OXNAD1: variants seen among roughly 807,000 people sequenced by gnomAD.
OXNAD1 encodes oxidoreductase NAD-binding domain-containing protein 1.
OXNAD1 carries 34 observed loss-of-function variants against 32.9 expected under a neutral mutation model. The observed-to-expected ratio is 1.03, with a 90% confidence interval of 0.79 to 1.38. The LOEUF (loss-of-function observed/expected upper bound fraction) is 1.38, where lower values mean the gene tolerates loss of function less well. Ranked by LOEUF, OXNAD1 falls within the 40% of genes most tolerant of loss-of-function variation. OXNAD1 has a pLI of 0.00. For synonymous variants in OXNAD1, 134 were observed against 135.2 expected (o/e 0.99, Z 0.06); for missense variants, 407 against 379.4 (o/e 1.07, Z -0.60).
At chr3:16,275,795 T>G (rs1351247537) in intron 4 of OXNAD1, 2 of 162,224 alleles carry the variant, frequency 1.2e-5, no homozygotes, top group East Asian at 3.6e-4. Context: ...GCTGACCTGA[T>G]TTTCATGGAA....
At chr3:16,281,404 T>C (rs1396050839) in intron 4 of OXNAD1, among the ~76,000 whole-genome samples, 2 of 152,212 alleles carry the variant, frequency 1.3e-5, no homozygotes, top group Non-Finnish European at 2.9e-5. Context: ...ATCCAAAACG[T>C]TTTGAGTACT....
chr3:16,307,301 ACACT>A (rs989244426), downstream of OXNAD1, among the ~76,000 whole-genome samples: 57 of 152,320 alleles, frequency 3.7e-4, no homozygotes, highest in African/African-American at 1.3e-3. Context: ...TCAGTGGTTC[ACACT>A]CAATCATGAT....
intron 5 of OXNAD1, among the ~76,000 whole-genome samples, chr3:16,291,229 C>G (rs531597224): frequency 6.6e-6 from 1 of 152,144 alleles, no homozygotes; most frequent in African/African-American, 2.4e-5. Context: ...CTTTTCTTGA[C>G]CCTTTTTTCA....
Position 16,334,773 on chromosome 3 carries a change from G to T in OXNAD1, c.*31-2339G>T, listed in dbSNP as rs969883651. ...AGGAGCCTGTGAAAATGTTCCCTTCGCATGGTAAAGGGATGTGGCAGATAT... is the reference window on the plus strand; with the variant it reads ...AGGAGCCTGTGAAAATGTTCCCTTCTCATGGTAAAGGGATGTGGCAGATAT... On this transcript the variant is annotated intron_variant, in intron 9 of 9. Coordinates refer to the OXNAD1 transcript ENST00000435829. This position sits in a 1 kb window ranked among gnomAD's most constrained non-coding sequence, Gnocchi z 4.3. Among the ~76,000 whole-genome samples, 27 of 152,296 alleles carry T rather than the reference G, an allele frequency of 1.8e-4. No homozygotes were observed. The highest frequency in any genetic ancestry group is 3.4e-3 in the Middle Eastern group (1 of 294).
At chr3:16,286,697 A>G (rs1012603170) in intron 5 of OXNAD1, among the ~76,000 whole-genome samples, 1 of 152,180 alleles carries the variant, frequency 6.6e-6, no homozygotes, top group African/African-American at 2.4e-5. Context: ...TGTTTTCCAC[A>G]TTCAAACAAA....
chr3:16,319,472 A>C (rs1295241550), intron 9 of OXNAD1, among the ~76,000 whole-genome samples: 1 of 152,208 alleles, frequency 6.6e-6, no homozygotes, highest in African/African-American at 2.4e-5. Flanking sequence ...GCTGCGGTGC[A>C]CACCTCCAGG....
chr3:16,308,128 AT>A (rs1423710478), downstream of OXNAD1, among the ~76,000 whole-genome samples: 1 of 152,146 alleles, frequency 6.6e-6, no homozygotes, highest in East Asian at 1.9e-4. The surrounding 1 kb of genome is among the most constrained non-coding windows in gnomAD (Gnocchi z 4.4). Context: ...TTGGGAAACT[AT>A]TTTTTTGTAA....
At chr3:16,309,143 CTTTT>C (rs1054076959), downstream of OXNAD1, among the ~76,000 whole-genome samples, 24 of 152,192 alleles carry the variant, frequency 1.6e-4, no homozygotes, top group African/African-American at 5.5e-4. Flanking sequence ...GTCTCTCTTT[CTTTT>C]AATACACTTC....
At chr3:16,331,889 A>ATTAGTTAACTAATAGTTCAGCC (rs1192804170) in intron 9 of OXNAD1, among the ~76,000 whole-genome samples, 3 of 152,262 alleles carry the variant, frequency 2.0e-5, no homozygotes, top group Non-Finnish European at 2.9e-5. Context: ...TAGTTTAGGT[A>ATTAGTTAACTAATAGTTCAGCC]CAGACGTCTG....
intron 9 of OXNAD1, among the ~76,000 whole-genome samples, chr3:16,328,708 C>T (rs690632): frequency 0.71 from 107,499 of 152,112 alleles, 38,217 homozygotes; most frequent in Non-Finnish European, 0.72. Flanking sequence ...TCAGGAACTC[C>T]GGGAGTAGGG....
rs1356160982 is a variant in OXNAD1 at position 16,316,861 on chromosome 3, T to C, written c.*30+13269T>C. On this transcript the variant is annotated intron_variant, in intron 9 of 9. Transcript: ENST00000435829. This position sits in a 1 kb window ranked among gnomAD's most constrained non-coding sequence, Gnocchi z 4.5. ...CTTCAACCGTACCAAGCTCTCTGAC[T>C]TCCTCAGCATCCCCGTCCCTGGCAT... 1.2e-6 allele frequency: 2 copies of C among 1,614,046 alleles called. No individual in the cohort carries two copies. Among genetic ancestry groups the C allele is most frequent in the African/African-American group, 2.7e-5 (2 of 74,938 alleles).
chr3:16,347,275 G>A (rs943855348), intron 9 of OXNAD1, among the ~76,000 whole-genome samples: 6 of 152,300 alleles, frequency 3.9e-5, no homozygotes, highest in East Asian at 1.9e-4. Context: ...CTGGAGAGAC[G>A]TCCATGCATG....
chr3:16,327,462 TA>T lies in OXNAD1; in HGVS notation c.*31-9644del, dbSNP rs1263064188. 1.3e-5 allele frequency among the ~76,000 whole-genome samples: 2 copies of T among 152,084 alleles called. No individual in the cohort carries two copies. Among genetic ancestry groups the T allele is most frequent in the East Asian group, 3.9e-4 (2 of 5,190 alleles). ...GGGGAACTAACATTTGTCTTTCAGT[TA>T]AAAAACTCAGCCCCGGCCGGGTGCT... On this transcript the variant is annotated intron_variant, in intron 9 of 9. Transcript: ENST00000435829. This position sits in a 1 kb window ranked among gnomAD's most constrained non-coding sequence, Gnocchi z 4.2.
In OXNAD1 at chr3:16,299,082, T is replaced by G. The variant is rs750407612; in HGVS notation, c.433-2544T>G. Among the ~76,000 whole-genome samples, 1 of 152,200 alleles carries G rather than the reference T, an allele frequency of 6.6e-6. No homozygotes were observed. The highest frequency in any genetic ancestry group is 1.5e-5 in the Non-Finnish European group (1 of 68,034). On this transcript the variant is annotated intron_variant, in intron 6 of 8. Transcript: ENST00000285083. This position sits in a 1 kb window ranked among gnomAD's most constrained non-coding sequence, Gnocchi z 4.4. ...GCACATTTTCTTGCCAACTTTAGAG[T>G]TGAAAATACTCTGGTTTCTAAAAAC...
At position 16,334,699 on chromosome 3, in the gene OXNAD1, C is replaced by A. The variant is rs1457355892; in HGVS notation, c.*31-2413C>A. 6.6e-6 allele frequency among the ~76,000 whole-genome samples: 1 copy of A among 152,166 alleles called. No individual in the cohort carries two copies. Among genetic ancestry groups the A allele is most frequent in the Admixed American group, 6.5e-5 (1 of 15,274 alleles). ...TCCAGGAGGCAACTAAATGAAACAG[C>A]CTGTGGTAGACAGAATAATGGCCCC... On this transcript the variant is annotated intron_variant, in intron 9 of 9. Transcript: ENST00000435829. This position sits in a 1 kb window ranked among gnomAD's most constrained non-coding sequence, Gnocchi z 4.3.
Position 16,317,103 on chromosome 3 carries a change from C to T in OXNAD1, c.*30+13511C>T, listed in dbSNP as rs956053606. The T allele has an allele frequency of 1.2e-6, 2 of 1,613,864 alleles. No homozygotes were observed. The highest frequency in any genetic ancestry group is 3.3e-5 in the Admixed American group (2 of 59,978). ...GAAACACAGTTTCCCATGTCTCCAGCTTTGGAAGACTGGTCTTCTAAGTTC... is the reference window on the plus strand; with the variant it reads ...GAAACACAGTTTCCCATGTCTCCAGTTTTGGAAGACTGGTCTTCTAAGTTC... On this transcript the variant is annotated intron_variant, in intron 9 of 9. Coordinates refer to the OXNAD1 transcript ENST00000435829. The surrounding 1 kb of genome is among the most constrained non-coding windows in gnomAD (Gnocchi z 4.3).
In OXNAD1 at chr3:16,327,012, C is replaced by T; in HGVS notation, c.*31-10100C>T. On this transcript the variant is annotated intron_variant, in intron 9 of 9. Transcript: ENST00000435829. This position sits in a 1 kb window ranked among gnomAD's most constrained non-coding sequence, Gnocchi z 4.2. ...GCCCGGCCACTCAGAGGCTCCTGCT[C>T]CGATGCTTGCTGAAGACTTTAAAAG... is the stretch of plus-strand genomic sequence containing the variant. The T allele has an allele frequency of 1.6e-6, 1 of 615,092 alleles. No individual in the cohort carries two copies. The highest frequency in any genetic ancestry group is 2.0e-5 in the South Asian group (1 of 50,342). The allele number at this position is 615,092 out of a possible 1,614,324, so 38.1% of individuals were successfully genotyped here.
intron 9 of OXNAD1, chr3:16,323,470 G>T (rs780208556): frequency 6.2e-7 from 1 of 1,605,900 alleles, no homozygotes; most frequent in South Asian, 1.1e-5. Flanking sequence ...GTAACACACG[G>T]AGCTGAGAAT....
chr3:16,314,618 GAAGC>G lies in OXNAD1; in HGVS notation c.*30+11030_*30+11033del, dbSNP rs1479536842. ...TTTGCCAGAATCAGCAGGGTGTAGA[GAAGC>G]AAGGGAGAAAAAACAAGACCTTTAG... On this transcript the variant is annotated intron_variant, in intron 9 of 9. Transcript: ENST00000435829. The surrounding 1 kb of genome is among the most constrained non-coding windows in gnomAD (Gnocchi z 4.4). 6.6e-6 allele frequency: 1 copy of G among 152,180 alleles called. No individual in the cohort carries two copies. Among genetic ancestry groups the G allele is most frequent in the East Asian group, 1.9e-4 (1 of 5,196 alleles). The allele number at this position is 152,180 out of a possible 1,614,324, so 9.4% of individuals were successfully genotyped here. A position where few individuals can be genotyped will look rare whatever the true frequency, so the allele number is the denominator to read the frequency against.
Sources: gnomAD v4.1 joint callset for allele counts (sites outside exome capture counted in the v4.1 genomes callset) on GRCh38, gnomAD v4.1.1 for gene constraint, Gnocchi (gnomAD v3.1) non-coding constraint, MANE v1.5 for transcripts, NCBI Gene and HGNC (gene_info 2026-07-23, HGNC 2026-07-21) for gene names.